CACNA2D3: variants seen among roughly 807,000 people sequenced by gnomAD.
CACNA2D3 encodes calcium voltage-gated channel auxiliary subunit alpha2delta 3.
A neutral mutation model predicts 160.6 loss-of-function variants in CACNA2D3; 60 were observed. The ratio of observed to expected loss-of-function variants is 0.37; its 90% CI spans 0.30 to 0.46. The LOEUF (loss-of-function observed/expected upper bound fraction) is 0.46, where lower values mean the gene tolerates loss of function less well. CACNA2D3 is among the 20% of genes least tolerant of loss of function. CACNA2D3 has a pLI of 1.00. For synonymous variants in CACNA2D3, 558 were observed against 492.9 expected (o/e 1.13, Z -1.75); for missense variants, 1,205 against 1,365.0 (o/e 0.88, Z 1.85).
intron 11 of CACNA2D3, among the ~76,000 whole-genome samples, chr3:54,746,521 A>G (rs2107055955): frequency 6.6e-6 from 1 of 152,334 alleles, no homozygotes; most frequent in South Asian, 2.1e-4. Context: ...GATGTCAGGA[A>G]GGCATGCCTA....
intron 27 of CACNA2D3, among the ~76,000 whole-genome samples, chr3:54,925,985 A>G (rs1011967807): frequency 5.9e-5 from 9 of 152,216 alleles, no homozygotes; most frequent in African/African-American, 2.2e-4. Flanking sequence ...ATTTTCTATA[A>G]TAGTTCTGCA....
intron 31 of CACNA2D3, among the ~76,000 whole-genome samples, chr3:54,990,185 C>G (rs568908951): frequency 2.8e-4 from 42 of 152,274 alleles, no homozygotes; most frequent in African/African-American, 9.4e-4. Flanking sequence ...TTGGACAGCA[C>G]CGGGCTGGCC....
chr3:54,940,946 A>C (rs78095105), intron 27 of CACNA2D3, among the ~76,000 whole-genome samples: 2,202 of 152,296 alleles, frequency 0.014, 47 homozygotes, highest in African/African-American at 0.05. Context: ...TCTTAACAAG[A>C]CTAACTTTGT....
chr3:54,294,140 C>T (rs55826666), intron 2 of CACNA2D3, among the ~76,000 whole-genome samples: 31,515 of 152,120 alleles, frequency 0.21, 3,450 homozygotes, highest in South Asian at 0.33. Flanking sequence ...CCCTGATATT[C>T]GCCAGTGCTT....
chr3:54,623,567 A>T (rs554264396), intron 9 of CACNA2D3, among the ~76,000 whole-genome samples: 1 of 152,324 alleles, frequency 6.6e-6, no homozygotes, highest in African/African-American at 2.4e-5. Flanking sequence ...GGCAAAACTC[A>T]CACATGTCCC....
At chr3:54,958,227 G>A (rs1000235094) in intron 27 of CACNA2D3, among the ~76,000 whole-genome samples, 1 of 152,208 alleles carries the variant, frequency 6.6e-6, no homozygotes, top group Non-Finnish European at 1.5e-5. Flanking sequence ...AAGAAAACCA[G>A]CAGAATATTC....
chr3:54,297,477 A>G (rs1373315899), intron 2 of CACNA2D3, among the ~76,000 whole-genome samples: 3 of 152,188 alleles, frequency 2.0e-5, no homozygotes, highest in Non-Finnish European at 4.4e-5. Context: ...TGCAGGGGCC[A>G]TAAATTACAG....
At chr3:54,595,320 GTGT>G (rs1559521715) in intron 9 of CACNA2D3, among the ~76,000 whole-genome samples, 2 of 115,516 alleles carry the variant, frequency 1.7e-5, no homozygotes, top group African/African-American at 9.1e-5. Context: ...TGTGGTGTGT[GTGT>G]GTGTGTGTGT....
Position 54,127,906 on chromosome 3 carries a change from T to C in CACNA2D3, c.204+4312T>C, listed in dbSNP as rs533352628. Among the ~76,000 whole-genome samples the C allele has an allele frequency of 4.8e-5, 7 of 144,992 alleles. No homozygotes were observed. In the South Asian group the frequency reaches 1.2e-3, roughly 25 times the overall value. On this transcript the variant is annotated intron_variant, in intron 2 of 37. Transcript: ENST00000474759. ...AACTTTCGGTCTGAGCCTTTTTTGC[T>C]CATTTTTTTTTTCTTTTCCTTTAAC...
At chr3:54,292,725 T>A (rs760902470) in intron 2 of CACNA2D3, among the ~76,000 whole-genome samples, 3 of 152,218 alleles carry the variant, frequency 2.0e-5, no homozygotes, top group Non-Finnish European at 4.4e-5. Context: ...ATGTTGTTGG[T>A]GTGAATGTAA....
At chr3:55,033,889 G>A (rs5008703) in intron 35 of CACNA2D3, among the ~76,000 whole-genome samples, 52,963 of 89,930 alleles carry the variant, frequency 0.59, 18,117 homozygotes, top group Non-Finnish European at 0.7. Flanking sequence ...TACATATTAA[G>A]TATATTTAAT....
intron 27 of CACNA2D3, among the ~76,000 whole-genome samples, chr3:54,926,887 G>T (rs72877911): frequency 0.12 from 17,698 of 152,210 alleles, 1,035 homozygotes; most frequent in Middle Eastern, 0.15. Flanking sequence ...TTCTCACAGG[G>T]CTCAGAGAGG....
At chr3:54,867,060 T>A (rs1446399491) in intron 17 of CACNA2D3, among the ~76,000 whole-genome samples, 1 of 152,210 alleles carries the variant, frequency 6.6e-6, no homozygotes, top group African/African-American at 2.4e-5. Context: ...TGCAATTAGT[T>A]AATCACATTT....
At chr3:54,508,313 C>T (rs1701404792) in intron 5 of CACNA2D3, among the ~76,000 whole-genome samples, 1 of 152,268 alleles carries the variant, frequency 6.6e-6, no homozygotes, top group South Asian at 2.1e-4. Flanking sequence ...AATACTAGTT[C>T]CCACTCACAC....
At chr3:54,668,879 C>G (rs1035722281) in intron 11 of CACNA2D3, among the ~76,000 whole-genome samples, 4 of 152,222 alleles carry the variant, frequency 2.6e-5, no homozygotes, top group Non-Finnish European at 4.4e-5. Context: ...GCACAAGTGC[C>G]TTCTGTGAGA....
At chr3:54,520,979 A>C (rs1487504311) in intron 5 of CACNA2D3, among the ~76,000 whole-genome samples, 1 of 152,224 alleles carries the variant, frequency 6.6e-6, no homozygotes, top group Non-Finnish European at 1.5e-5. Flanking sequence ...TCCATTGTAC[A>C]TAAATACTAC....
At chr3:54,337,193 A>G (rs1704404061) in intron 3 of CACNA2D3, among the ~76,000 whole-genome samples, 1 of 152,240 alleles carries the variant, frequency 6.6e-6, no homozygotes, top group Non-Finnish European at 1.5e-5. Context: ...CAAAGGTGGA[A>G]AGATAACATT....
chr3:54,283,352 T>C (rs1469285627), intron 2 of CACNA2D3, among the ~76,000 whole-genome samples: 2 of 152,216 alleles, frequency 1.3e-5, no homozygotes, highest in Admixed American at 6.5e-5. Context: ...TTAAGGGTCC[T>C]CCCTCCATGG....
intron 2 of CACNA2D3, among the ~76,000 whole-genome samples, chr3:54,214,621 C>T (rs943364313): frequency 6.6e-6 from 1 of 152,150 alleles, no homozygotes; most frequent in Non-Finnish European, 1.5e-5. Flanking sequence ...GTGGTTGGTG[C>T]TCCTATTGTT....
Sources: allele counts gnomAD v4.1 joint callset (sites outside exome capture counted in the v4.1 genomes callset), GRCh38; gene constraint gnomAD v4.1.1; transcripts MANE v1.5; gene names NCBI Gene and HGNC (gene_info 2026-07-23, HGNC 2026-07-21).